The following UPB1 variants were observed in gnomAD, a reference collection of about 807,000 sequenced individuals.
The protein encoded by UPB1 is beta-ureidopropionase.
Under a neutral mutation model 49.1 loss-of-function variants are expected in UPB1, and 40 were observed. The observed-to-expected ratio is 0.81, with a 90% CI of 0.63 to 1.06. The LOEUF is 1.06. Ranked by LOEUF, UPB1 falls within the 50% of genes least tolerant of loss-of-function variation. The pLI, the probability that UPB1 is intolerant of heterozygous loss-of-function variation, is 0.00. For synonymous variants in UPB1, 207 were observed against 198.2 expected, an observed-to-expected ratio of 1.04 and a Z score of -0.38; for missense variants, 499 against 505.9, an observed-to-expected ratio of 0.99 and a Z score of 0.13.
intron 4 of UPB1, among the ~76,000 whole-genome samples, chr22:24,511,691 G>T (rs1329867017): frequency 1.4e-5 from 2 of 147,192 alleles, no homozygotes; most frequent in East Asian, 4.0e-4. Context: ...TCGGTTCACT[G>T]CAAGCTCTGC....
intron 3 of UPB1, among the ~76,000 whole-genome samples, chr22:24,509,588 G>A (rs2044159795): frequency 6.7e-6 from 1 of 149,442 alleles, no homozygotes; most frequent in Non-Finnish European, 1.5e-5. Context: ...ACTAGGAGGA[G>A]GGGGGGTCCC....
intron 9 of UPB1, among the ~76,000 whole-genome samples, chr22:24,525,055 C>T (rs749471901): frequency 6.6e-5 from 10 of 152,198 alleles, no homozygotes; most frequent in Non-Finnish European, 1.0e-4. Context: ...CAGAAGGGAG[C>T]CAAGAATGCT....
chr22:24,510,731 C>A lies in UPB1; in HGVS notation c.365-18C>A, dbSNP rs758692684. Reference sequence around the variant, plus strand: ...CTGTGCATGTTGGATATAATTCTGCCCTTTCTCCTATTTATAGCTATGCCC... The same window carrying A: ...CTGTGCATGTTGGATATAATTCTGCACTTTCTCCTATTTATAGCTATGCCC... On this transcript the variant is annotated intron_variant, in intron 3 of 9. Coordinates refer to ENST00000326010, the MANE Select transcript of UPB1 (RefSeq NM_016327.3). 1 of 1,613,132 alleles carries A rather than the reference C, an allele frequency of 6.2e-7. No individual in the cohort carries two copies. Among genetic ancestry groups the A allele is most frequent in the Non-Finnish European group, 8.5e-7 (1 of 1,179,166 alleles).
rs113474679 is a variant in UPB1 at position 24,525,622 on chromosome 22, T to G, written c.1072-89T>G. 197 of 1,497,008 alleles carry G rather than the reference T, an allele frequency of 1.3e-4. 2 individuals are homozygous for G. The African/African-American group carries it at 1.9e-3, about 15-fold the overall frequency. The allele number at this position is 1,497,008 out of a possible 1,614,324, so 92.7% of individuals were successfully genotyped here. A position where few individuals can be genotyped will look rare whatever the true frequency, so the allele number is the denominator to read the frequency against. ...TCCTGATGCGTTCCTGCCCCATGACTGCCCTCCAGTGGCAAGAGGTGGTGG... is the reference window on the plus strand; with the variant it reads ...TCCTGATGCGTTCCTGCCCCATGACGGCCCTCCAGTGGCAAGAGGTGGTGG... On this transcript the variant is annotated intron_variant, in intron 9 of 9. Transcript: ENST00000326010.
In UPB1 at chr22:24,515,280, A is replaced by G. The variant is rs1334826843; in HGVS notation, c.701A>G (p.Tyr234Cys). 8 of 1,614,018 alleles carry G rather than the reference A, an allele frequency of 5.0e-6. No individual in the cohort carries two copies. Among genetic ancestry groups the G allele is most frequent in the South Asian group, 3.3e-5 (3 of 91,082 alleles). The stretch of plus-strand genomic sequence containing the variant: ...GGAAGGATCGCGGTGAACATTTGCT[A>G]CGGGCGGCACCACCCCCTCAACTGG... Reference protein sequence around the residue: ...QFGRIAVNICYGRHHPLNWLM... With the variant: ...QFGRIAVNICCGRHHPLNWLM... The change falls in exon 6 of 10, where the codon TAC becomes TGC. Residue 234 changes from tyrosine to cysteine, a missense_variant. Coordinates refer to ENST00000326010, the MANE Select transcript of UPB1 (RefSeq NM_016327.3).
chr22:24,500,049 T>C, intron 1 of UPB1, 58 bp from the exon 2 acceptor site: 4 of 1,611,370 alleles, frequency 2.5e-6, no homozygotes, highest in Non-Finnish European at 3.4e-6. Context: ...GGGAGAGAGA[T>C]TTTAAGTGGA....
intron 2 of UPB1, among the ~76,000 whole-genome samples, chr22:24,500,985 C>T (rs180898876): frequency 6.6e-6 from 1 of 152,312 alleles, no homozygotes; most frequent in East Asian, 1.9e-4. Context: ...TTTGGTTCTG[C>T]ATCATCATTC....
intron 2 of UPB1, among the ~76,000 whole-genome samples, chr22:24,501,571 A>T (rs1253626109): frequency 6.6e-6 from 1 of 152,240 alleles, no homozygotes; most frequent in Non-Finnish European, 1.5e-5. Context: ...GAGGGGTGAC[A>T]TGTGACATAG....
At chr22:24,506,315 C>T (rs900521781) in intron 3 of UPB1, among the ~76,000 whole-genome samples, 1 of 152,198 alleles carries the variant, frequency 6.6e-6, no homozygotes, top group Non-Finnish European at 1.5e-5. Context: ...GCCACTGCGC[C>T]CGGCCCCTAA....
intron 1 of UPB1, among the ~76,000 whole-genome samples, chr22:24,497,840 GTC>G (rs2043920468): frequency 6.6e-6 from 1 of 152,170 alleles, no homozygotes; most frequent in South Asian, 2.1e-4. Context: ...GGGTCTGTGT[GTC>G]TGTTTCCCCA....
chr22:24,522,213 T>G (rs965449332), intron 8 of UPB1, among the ~76,000 whole-genome samples, 185 bp downstream of exon 8: 6 of 152,088 alleles, frequency 3.9e-5, no homozygotes, highest in Non-Finnish European at 8.8e-5. Context: ...GGCTGGGGTG[T>G]GGATAGGCAG....
At chr22:24,524,837 T>C (rs2044455016) in intron 9 of UPB1, among the ~76,000 whole-genome samples, 2 of 152,162 alleles carry the variant, frequency 1.3e-5, no homozygotes, top group African/African-American at 4.8e-5. Context: ...TCCATTGTTA[T>C]AACTGACTTT....
chr22:24,513,594 T>C (rs1023680512), intron 5 of UPB1, 109 bp downstream of exon 5: 2 of 1,441,484 alleles, frequency 1.4e-6, no homozygotes, highest in South Asian at 1.2e-5. Context: ...TCATACTCCA[T>C]GTCACGTACA....
At position 24,525,887 on chromosome 22, in the gene UPB1, ATAACAT is replaced by A; in HGVS notation, c.*95_*100del. The A allele has an allele frequency of 6.6e-7, 1 of 1,508,110 alleles. No homozygotes were observed. The highest frequency in any genetic ancestry group is 1.4e-5 in the African/African-American group (1 of 72,776). The allele number at this position is 1,508,110 out of a possible 1,614,324, so 93.4% of individuals were successfully genotyped here. A position where few individuals can be genotyped will look rare whatever the true frequency, so the allele number is the denominator to read the frequency against. On this transcript the variant is annotated 3_prime_UTR_variant, in exon 10 of 10. Coordinates refer to ENST00000326010, the MANE Select transcript of UPB1 (RefSeq NM_016327.3). ...GCTTAACATGTCCAGGTTCTCCCCAATAACATTGTCCAGGTTGGTTTTAAAATTCCC... is the reference window on the plus strand; with the variant it reads ...GCTTAACATGTCCAGGTTCTCCCCAATGTCCAGGTTGGTTTTAAAATTCCC...
intron 6 of UPB1, among the ~76,000 whole-genome samples, chr22:24,518,632 C>T (rs1029624572): frequency 6.6e-6 from 1 of 152,240 alleles, no homozygotes; most frequent in Non-Finnish European, 1.5e-5. Flanking sequence ...CAGACATACA[C>T]ATGTGCATGC....
intron 9 of UPB1, among the ~76,000 whole-genome samples, chr22:24,524,247 C>A (rs1044110024): frequency 6.6e-6 from 1 of 152,134 alleles, no homozygotes. Context: ...TCCTTGGTCA[C>A]CTTAATTAAG....
intron 3 of UPB1, chr22:24,502,793 C>G: frequency 2.1e-6 from 1 of 471,206 alleles, no homozygotes. Context: ...TTGACTTCCC[C>G]CTATGGAAGA....
intron 9 of UPB1, among the ~76,000 whole-genome samples, chr22:24,524,456 T>C (rs1429194134): frequency 2.6e-5 from 4 of 152,174 alleles, no homozygotes; most frequent in African/African-American, 9.7e-5. Context: ...CGAAAGTATT[T>C]CCACCAACTC....
At chr22:24,496,904 C>A (rs1026943984) in intron 1 of UPB1, among the ~76,000 whole-genome samples, 1 of 152,118 alleles carries the variant, frequency 6.6e-6, no homozygotes, top group African/African-American at 2.4e-5. Flanking sequence ...TTGGCAGTTC[C>A]TGAGATGGGG....
Sources: allele counts gnomAD v4.1 joint callset (sites outside exome capture counted in the v4.1 genomes callset), GRCh38; gene constraint gnomAD v4.1.1; transcripts MANE v1.5; gene names NCBI Gene and HGNC (gene_info 2026-07-23, HGNC 2026-07-21).